Variants in TRIM4 observed in about 807,000 individuals in gnomAD.
TRIM4 encodes the protein E3 ubiquitin-protein ligase TRIM4.
Under a neutral mutation model 33.7 loss-of-function variants are expected in TRIM4, and 29 were observed. The observed-to-expected ratio is 0.86, with a 90% confidence interval of 0.64 to 1.17. The LOEUF (loss-of-function observed/expected upper bound fraction) is 1.17, where lower values mean the gene tolerates loss of function less well. Among genes scored for constraint, TRIM4 ranks in the 50% most tolerant of loss-of-function variants. TRIM4 has a pLI of 0.00. For synonymous variants in TRIM4, 224 were observed against 233.0 expected, an observed-to-expected ratio of 0.96 and a Z score of 0.35; for missense variants, 554 against 593.7, an observed-to-expected ratio of 0.93 and a Z score of 0.69.
chr7:99,891,959 T>C lies in TRIM4; in HGVS notation c.*204A>G. ...CCCAAAAGCGTCTTGGAAAATTTCC[T>C]GTCCCATCTCCATTGGCCAGACCCA... On this transcript the variant is annotated 3_prime_UTR_variant, in exon 6 of 6. Coordinates refer to ENST00000349062, the MANE Select transcript of TRIM4 (RefSeq NM_033091.3). 2 of 501,548 alleles carry C rather than the reference T, an allele frequency of 4.0e-6. No homozygotes were observed. The highest frequency in any genetic ancestry group is 8.6e-5 in the South Asian group (2 of 23,304). The allele number at this position is 501,548 out of a possible 1,614,324, so 31.1% of individuals were successfully genotyped here.
intron 5 of TRIM4, among the ~76,000 whole-genome samples, chr7:99,896,037 G>A (rs7787525): frequency 0.17 from 25,408 of 151,672 alleles, 4,576 homozygotes; most frequent in African/African-American, 0.46. Context: ...AGTATGATTA[G>A]ATTTGTGTCT....
chr7:99,908,822 C>G lies in TRIM4; in HGVS notation c.490-10G>C. Reference sequence around the variant, plus strand: ...GACTCTTTATCTTATCCTAAGGCCACATGAGATTTGCTCACTCCTTTTTCT... The same window carrying G: ...GACTCTTTATCTTATCCTAAGGCCAGATGAGATTTGCTCACTCCTTTTTCT... On this transcript the variant is annotated splice_polypyrimidine_tract_variant and intron_variant, in intron 2 of 5. Transcript: ENST00000349062. 1 of 1,610,364 alleles carries G rather than the reference C, an allele frequency of 6.2e-7. No individual in the cohort carries two copies. The highest frequency in any genetic ancestry group is 8.5e-7 in the Non-Finnish European group (1 of 1,178,290).
chr7:99,895,197 T>C (rs1313351313), intron 5 of TRIM4, among the ~76,000 whole-genome samples: 1 of 152,236 alleles, frequency 6.6e-6, no homozygotes, highest in Non-Finnish European at 1.5e-5. Flanking sequence ...TATAGCACTA[T>C]ACACTTTTCT....
intron 5 of TRIM4, chr7:99,901,364 T>C (rs891354361): frequency 5.3e-5 from 8 of 152,248 alleles, no homozygotes; most frequent in African/African-American, 1.9e-4. Flanking sequence ...TTCTAACATC[T>C]GTGTCAATTC....
intron 1 of TRIM4, among the ~76,000 whole-genome samples, chr7:99,913,333 C>G (rs573073825): frequency 6.6e-6 from 1 of 152,252 alleles, no homozygotes; most frequent in African/African-American, 2.4e-5. Context: ...GAGCGCAACA[C>G]CAAGCATTTC....
rs1819179128 is a variant in TRIM4, at chr7:99,901,889, C to T, written c.841+1329G>A. ...GGTTCTCTCTGTGTCCGGCTCTCTC[C>T]GCTCCAGGATACTGCCCAGTACTTT... On this transcript the variant is annotated intron_variant, in intron 5 of 5. Coordinates refer to ENST00000349062, the MANE Select transcript of TRIM4 (RefSeq NM_033091.3). 4.0e-5 allele frequency: 22 copies of T among 543,764 alleles called. No individual in the cohort carries two copies. The South Asian group carries it at 4.4e-4, about 11-fold the overall frequency. The allele number at this position is 543,764 out of a possible 1,614,324, so 33.7% of individuals were successfully genotyped here.
chr7:99,914,192 C>T (rs747409149), intron 1 of TRIM4, among the ~76,000 whole-genome samples: 6 of 152,210 alleles, frequency 3.9e-5, no homozygotes, highest in African/African-American at 1.4e-4. Context: ...TTCTCTCATA[C>T]AATATCCACA....
chr7:99,897,655 T>C (rs1006425560), intron 5 of TRIM4, among the ~76,000 whole-genome samples: 5 of 152,200 alleles, frequency 3.3e-5, no homozygotes, highest in African/African-American at 1.2e-4. Context: ...AGGTCACACC[T>C]ATTTTACATC....
At chr7:99,916,756 C>G (rs1819563939) in intron 1 of TRIM4, 1 of 780,936 alleles carries the variant, frequency 1.3e-6, no homozygotes, top group Non-Finnish European at 2.4e-6. Flanking sequence ...TCCATTCATC[C>G]ACGTGGATGT....
intron 1 of TRIM4, among the ~76,000 whole-genome samples, chr7:99,911,207 C>A (rs1819434998): frequency 6.6e-6 from 1 of 151,962 alleles, no homozygotes; most frequent in Admixed American, 6.5e-5. Context: ...GTAAAATCAC[C>A]CAGTAAGATT....
chr7:99,913,501 T>C (rs1819489247), intron 1 of TRIM4, among the ~76,000 whole-genome samples: 1 of 151,798 alleles, frequency 6.6e-6, no homozygotes, highest in Non-Finnish European at 1.5e-5. Flanking sequence ...ACCCCGTCTT[T>C]ACTAAAAATA....
chr7:99,916,410 C>T (rs1230448348), intron 1 of TRIM4, among the ~76,000 whole-genome samples: 1 of 152,192 alleles, frequency 6.6e-6, no homozygotes, highest in African/African-American at 2.4e-5. Flanking sequence ...GGCACCCCAC[C>T]TCCTGTCCCT....
In TRIM4 at chr7:99,892,476, C is replaced by A. The variant is rs560118241; in HGVS notation, c.1112G>T (p.Cys371Phe). The A allele has an allele frequency of 3.1e-6, 5 of 1,614,150 alleles. No individual in the cohort carries two copies. In the South Asian group the frequency reaches 5.5e-5, roughly 18 times the overall value. Residue 371 changes from cysteine to phenylalanine, a missense_variant, in exon 6 of 6, where the codon TGT (cysteine) becomes TTT (phenylalanine). By Grantham distance (205) the Cys-to-Phe change is radical. Transcript: ENST00000349062. Reference protein sequence around the residue: ...RDSLEVAVGVCREDVMGITDR... With the variant: ...RDSLEVAVGVFREDVMGITDR... ...AGTAATTCCCATGACGTCCTCCCGA[C>A]ACACCCCAACAGCAACCTCCAGACT...
chr7:99,892,178 C>A lies in TRIM4; in HGVS notation c.1410G>T (p.Val470=). ...AAGAAAAGCCTCATTTCCTATCAGT[C>A]ACTGGTGGAATGACTAAAGATGCTA... ...SPLASLVIPP[V]TDRK is the part of the protein sequence containing the mutation. The change falls in exon 6 of 6, where the codon GTG becomes GTT. Residue 470 remains valine, a synonymous_variant. Transcript: ENST00000349062. 3 of 1,608,890 alleles carry A rather than the reference C, an allele frequency of 1.9e-6. No homozygotes were observed. The South Asian group carries it at 3.3e-5, about 18-fold the overall frequency.
Position 99,899,319 on chromosome 7 carries a change from A to G in TRIM4, c.841+3899T>C, listed in dbSNP as rs544527654. ...GAAGGTCCCAGGTGGAGATTGCTAA[A>G]TGAAAATGCTATATATAACCTGCAT... On this transcript the variant is annotated intron_variant, in intron 5 of 5. Transcript: ENST00000349062. Among the ~76,000 whole-genome samples, 5 of 152,316 alleles carry G rather than the reference A, an allele frequency of 3.3e-5. No homozygotes were observed. The South Asian group carries it at 1.0e-3, about 32-fold the overall frequency.
intron 5 of TRIM4, among the ~76,000 whole-genome samples, chr7:99,898,355 G>C (rs1584262326): frequency 6.6e-6 from 1 of 152,166 alleles, no homozygotes. Flanking sequence ...CTCTTAATGT[G>C]GGGTGGCTAC....
chr7:99,892,041 G>A lies in TRIM4; in HGVS notation c.*122C>T, dbSNP rs567875893. 2.2e-5 allele frequency: 20 copies of A among 899,956 alleles called. No homozygotes were observed. Among genetic ancestry groups the A allele is most frequent in the Middle Eastern group, 3.1e-4 (1 of 3,274 alleles). 55.7% of individuals were successfully genotyped at this position (899,956 alleles called of 1,614,324 possible). On this transcript the variant is annotated 3_prime_UTR_variant, in exon 6 of 6. Transcript: ENST00000349062. ...CAAAGGGCAGATACCAAACGGTACCGTTAGGGAGACCCAGAAGATGGACCA... is the reference window on the plus strand; with the variant it reads ...CAAAGGGCAGATACCAAACGGTACCATTAGGGAGACCCAGAAGATGGACCA...
chr7:99,900,334 T>A (rs2527916), intron 5 of TRIM4, among the ~76,000 whole-genome samples: 85,039 of 151,958 alleles, frequency 0.56, 24,935 homozygotes, highest in African/African-American at 0.74. Context: ...ACCCACATTA[T>A]GAAGGGCAGT....
chr7:99,902,133 AC>A, intron 5 of TRIM4: 3 of 765,140 alleles, frequency 3.9e-6, no homozygotes, highest in Non-Finnish European at 7.2e-6. Flanking sequence ...CGGTTGTTTC[AC>A]ATATTGTGCC....
Sources: gnomAD v4.1 joint callset for allele counts (sites outside exome capture counted in the v4.1 genomes callset) on GRCh38, gnomAD v4.1.1 for gene constraint, MANE v1.5 for transcripts, NCBI Gene and HGNC (gene_info 2026-07-23, HGNC 2026-07-21) for gene names.